The following MYRIP variants were observed in gnomAD, a reference collection of about 807,000 sequenced individuals.
The protein encoded by MYRIP is rab effector MyRIP.
In MYRIP, 49 loss-of-function variants were observed where a neutral mutation model predicts 98.0. That is an observed-to-expected ratio of 0.50 (90% confidence interval 0.40 to 0.63). MYRIP has a LOEUF of 0.63. Ranked by LOEUF, MYRIP falls within the 30% of genes least tolerant of loss-of-function variation. The probability of loss-of-function intolerance (pLI) is 0.00; values close to 1 mark genes in which losing one functional copy is unlikely to be tolerated. For synonymous variants in MYRIP, 404 were observed against 409.5 expected (o/e 0.99, Z 0.16); for missense variants, 1,004 against 1,058.2 (o/e 0.95, Z 0.71).
At position 40,130,506 on chromosome 3, in the gene MYRIP, T is replaced by C. The variant is rs11917452; in HGVS notation, c.333-20542T>C. ...CATTCTCCTGCCTCAGCCTCCCGAG[T>C]AGCTGGGACTACAGGCGCCCACCAT... On this transcript the variant is annotated intron_variant, in intron 3 of 16. Coordinates refer to ENST00000302541, the MANE Select transcript of MYRIP (RefSeq NM_015460.4). 4.9e-3 allele frequency among the ~76,000 whole-genome samples: 733 copies of C among 151,034 alleles called. 9 individuals carry two copies. The highest frequency in any genetic ancestry group is 0.017 in the African/African-American group (699 of 41,078).
chr3:39,852,261 C>T (rs1462847501), intron 1 of MYRIP, among the ~76,000 whole-genome samples: 1 of 152,204 alleles, frequency 6.6e-6, no homozygotes, highest in Non-Finnish European at 1.5e-5. Context: ...CACACAGCTT[C>T]ACCTGACTTG....
rs1952217647 is a variant in MYRIP at position 40,218,623 on chromosome 3, TATATATATATATA to T, written c.1905+8531_1905+8543del. Among the ~76,000 whole-genome samples, 50 of 89,268 alleles carry T rather than the reference TATATATATATATA, an allele frequency of 5.6e-4. 1 individual carries two copies. The highest frequency in any genetic ancestry group is 0.012 in the Middle Eastern group (2 of 166). 58.6% of individuals were successfully genotyped at this position (89,268 alleles called of 152,430 possible). On this transcript the variant is annotated intron_variant, in intron 11 of 16. Coordinates refer to ENST00000302541, the MANE Select transcript of MYRIP (RefSeq NM_015460.4). ...CATATATATATATTTTATATATATA[TATATATATATATA>T]TATATATATATATATATATACATAC...
chr3:40,034,479 T>C (rs1947332853), intron 2 of MYRIP, among the ~76,000 whole-genome samples: 1 of 151,858 alleles, frequency 6.6e-6, no homozygotes, highest in Non-Finnish European at 1.5e-5. Flanking sequence ...AAAATGCTCA[T>C]CATCACTGGC....
intron 1 of MYRIP, among the ~76,000 whole-genome samples, chr3:39,821,695 A>T (rs1322675494): frequency 6.6e-6 from 1 of 151,942 alleles, no homozygotes; most frequent in Non-Finnish European, 1.5e-5. Flanking sequence ...TAAATTTTTC[A>T]TTATAATTTC....
At chr3:40,198,250 C>T (rs1305583682) in intron 10 of MYRIP, among the ~76,000 whole-genome samples, 3 of 152,170 alleles carry the variant, frequency 2.0e-5, no homozygotes, top group Non-Finnish European at 4.4e-5. Context: ...TCCTCGGATG[C>T]TTAAAAAGTC....
At chr3:40,197,655 A>G (rs1041706672) in intron 10 of MYRIP, among the ~76,000 whole-genome samples, 2 of 152,182 alleles carry the variant, frequency 1.3e-5, no homozygotes, top group Admixed American at 1.3e-4. Flanking sequence ...GTAAGTGCTG[A>G]ACTCTTATAG....
At chr3:39,996,041 A>G (rs1159804996) in intron 2 of MYRIP, among the ~76,000 whole-genome samples, 2 of 152,208 alleles carry the variant, frequency 1.3e-5, no homozygotes, top group East Asian at 1.9e-4. Flanking sequence ...AGCACTAAAC[A>G]TGGAAAAGAA....
At position 40,149,697 on chromosome 3, in the gene MYRIP, C is replaced by T. The variant is rs562699388; in HGVS notation, c.333-1351C>T. Among the ~76,000 whole-genome samples, 7 of 152,308 alleles carry T rather than the reference C, an allele frequency of 4.6e-5. No individual in the cohort carries two copies. The South Asian group carries it at 1.2e-3, about 27-fold the overall frequency. On this transcript the variant is annotated intron_variant, in intron 3 of 16. Transcript: ENST00000302541. Reference sequence around the variant, plus strand: ...AATCCAAACCTGCTCTCTGAATCAACCAACTCAAAATTGGGCCTTCCAGTT... The same window carrying T: ...AATCCAAACCTGCTCTCTGAATCAATCAACTCAAAATTGGGCCTTCCAGTT...
intron 9 of MYRIP, among the ~76,000 whole-genome samples, chr3:40,184,816 T>G (rs148545310): frequency 6.6e-6 from 1 of 152,194 alleles, no homozygotes; most frequent in Non-Finnish European, 1.5e-5. Flanking sequence ...CAATTGTATA[T>G]AAACATAAAA....
At chr3:40,213,994 C>T (rs542187221) in intron 11 of MYRIP, among the ~76,000 whole-genome samples, 19 of 152,216 alleles carry the variant, frequency 1.2e-4, no homozygotes, top group African/African-American at 3.1e-4. Flanking sequence ...CTACATGATA[C>T]GGCAGTCTTC....
intron 3 of MYRIP, among the ~76,000 whole-genome samples, chr3:40,103,713 C>T (rs189020013): frequency 9.0e-4 from 137 of 152,070 alleles, no homozygotes; most frequent in South Asian, 2.3e-3. Flanking sequence ...GAGCCGAGAT[C>T]GTGCCATTGC....
At chr3:39,857,028 T>C (rs1942317175) in intron 1 of MYRIP, among the ~76,000 whole-genome samples, 1 of 152,126 alleles carries the variant, frequency 6.6e-6, no homozygotes, top group Non-Finnish European at 1.5e-5. Context: ...GAGACCAGCC[T>C]GGACAACATA....
intron 3 of MYRIP, among the ~76,000 whole-genome samples, chr3:40,054,787 T>C (rs1174634875): frequency 6.6e-6 from 1 of 152,178 alleles, no homozygotes; most frequent in Non-Finnish European, 1.5e-5. Context: ...TTTAGCTAGA[T>C]GTTAGCTAGA....
chr3:39,830,217 C>T (rs545175523), intron 1 of MYRIP, among the ~76,000 whole-genome samples: 67 of 152,278 alleles, frequency 4.4e-4, no homozygotes, highest in African/African-American at 1.5e-3. Flanking sequence ...TCACTTATCT[C>T]TTTAGGGCAA....
chr3:39,907,812 T>G (rs1048772799), intron 2 of MYRIP, among the ~76,000 whole-genome samples: 1 of 152,120 alleles, frequency 6.6e-6, no homozygotes, highest in Non-Finnish European at 1.5e-5. Flanking sequence ...GCGACCTGAG[T>G]TTCCTGATGC....
intron 3 of MYRIP, among the ~76,000 whole-genome samples, chr3:40,139,163 TA>T: frequency 6.6e-6 from 1 of 152,400 alleles, no homozygotes; most frequent in Non-Finnish European, 1.5e-5. Flanking sequence ...CATTCTTTTT[TA>T]TGGCTGACTG....
chr3:40,013,828 A>G (rs1946808975), intron 2 of MYRIP, among the ~76,000 whole-genome samples: 1 of 152,256 alleles, frequency 6.6e-6, no homozygotes, highest in Admixed American at 6.5e-5. Context: ...CATTTTAGGC[A>G]GCTCAGGCAT....
chr3:39,947,396 CA>C (rs1363575880), intron 2 of MYRIP, among the ~76,000 whole-genome samples: 3 of 151,314 alleles, frequency 2.0e-5, no homozygotes, highest in Non-Finnish European at 4.4e-5. Context: ...GAATAAAATA[CA>C]AAAAAGGAAT....
intron 2 of MYRIP, among the ~76,000 whole-genome samples, chr3:39,997,147 T>G (rs1946380104): frequency 6.6e-6 from 1 of 151,968 alleles, no homozygotes; most frequent in South Asian, 2.1e-4. Flanking sequence ...AGCAAACACA[T>G]TCAAAACCTA....
Sources: allele counts gnomAD v4.1 joint callset (sites outside exome capture counted in the v4.1 genomes callset), GRCh38; gene constraint gnomAD v4.1.1; transcripts MANE v1.5; gene names NCBI Gene and HGNC (gene_info 2026-07-23, HGNC 2026-07-21).